The following COPS7B variants were observed in gnomAD, a reference collection of about 807,000 sequenced individuals.
COPS7B encodes COP9 signalosome subunit 7B.
In COPS7B, 9 loss-of-function variants were observed where a neutral mutation model predicts 33.4. The ratio of observed to expected loss-of-function variants is 0.27; its 90% CI spans 0.16 to 0.47. The LOEUF (loss-of-function observed/expected upper bound fraction) is 0.47. COPS7B is among the 20% of genes least tolerant of loss of function. COPS7B has a pLI of 0.99. For missense variants in COPS7B, 242 were observed against 318.2 expected (o/e 0.76, Z 1.82); for synonymous variants, 119 against 126.3 (o/e 0.94, Z 0.39).
upstream of COPS7B, chr2:231,781,817 A>G (rs894871286): frequency 5.2e-6 from 8 of 1,550,572 alleles, no homozygotes; most frequent in African/African-American, 6.8e-5. Flanking sequence ...CTCACCCTCA[A>G]AAGAAGATGA....
chr2:231,794,734 C>G (rs988143109), intron 4 of COPS7B, among the ~76,000 whole-genome samples: 13 of 152,146 alleles, frequency 8.5e-5, no homozygotes, highest in African/African-American at 3.1e-4. Context: ...GAAAAACTTG[C>G]TATGTCGGAC....
chr2:231,786,579 TC>T, intron 1 of COPS7B, 41 bp downstream of exon 1: 1 of 932,766 alleles, frequency 1.1e-6, no homozygotes, highest in Non-Finnish European at 1.3e-6. Context: ...GGGCCGGCGC[TC>T]CAGGCTCGGC....
intron 3 of COPS7B, 188 bp from the exon 4 acceptor site, chr2:231,794,075 G>C: frequency 1.9e-6 from 1 of 519,060 alleles, no homozygotes; most frequent in Non-Finnish European, 3.4e-6. Context: ...TGTAGAAACT[G>C]AGTCTTTTCT....
rs1031818439 is a variant in COPS7B at position 231,808,908 on chromosome 2, G to A, written c.*1263G>A. ...CACATTTTACAACAAAAAAATAAAA[G>A]TGTAGATTTAATGTATGTGACTGGG... is the stretch of plus-strand genomic sequence containing the variant. On this transcript the variant is annotated 3_prime_UTR_variant, in exon 7 of 7. Transcript: ENST00000350033. 1 of 155,402 alleles carries A rather than the reference G, an allele frequency of 6.4e-6. No homozygotes were observed. Among genetic ancestry groups the A allele is most frequent in the African/African-American group, 2.4e-5 (1 of 40,998 alleles). The allele number at this position is 155,402 out of a possible 1,614,324, so 9.6% of individuals were successfully genotyped here. A position where few individuals can be genotyped will look rare whatever the true frequency, so the allele number is the denominator to read the frequency against.
At chr2:231,781,990 A>G, upstream of COPS7B, 1 of 1,068,962 alleles carries the variant, frequency 9.4e-7, no homozygotes, top group East Asian at 2.6e-5. Flanking sequence ...TTTTACATGT[A>G]TTTCAGGGTT....
In COPS7B at chr2:231,791,727, C is replaced by A. The variant is rs369348725; in HGVS notation, c.163-6C>A. 4.3e-6 allele frequency: 7 copies of A among 1,612,808 alleles called. No homozygotes were observed. Among genetic ancestry groups the A allele is most frequent in the Non-Finnish European group, 5.1e-6 (6 of 1,179,462 alleles). On this transcript the variant is annotated splice_region_variant and splice_polypyrimidine_tract_variant and intron_variant, in intron 2 of 6. Transcript: ENST00000350033. Reference sequence around the variant, plus strand: ...GTCTGTGGTGAACTTTTTTTTTCCTCTTCAGCTTGCGGAAGGAGCTAATGC... The same window carrying A: ...GTCTGTGGTGAACTTTTTTTTTCCTATTCAGCTTGCGGAAGGAGCTAATGC...
chr2:231,786,612 C>A, intron 1 of COPS7B, 74 bp downstream of exon 1: 2 of 768,490 alleles, frequency 2.6e-6, no homozygotes, highest in Non-Finnish European at 1.6e-6. Flanking sequence ...GCTTAGAGCC[C>A]GCCGCCAAGG....
intron 4 of COPS7B, 46 bp downstream of exon 4, chr2:231,794,397 G>T (rs1251335298): frequency 6.7e-6 from 10 of 1,490,466 alleles, no homozygotes; most frequent in Non-Finnish European, 7.5e-6. Context: ...CCCCAAGTCA[G>T]CTGTCTCATT....
intron 2 of COPS7B, chr2:231,790,824 C>T (rs1419200346): frequency 1.3e-5 from 2 of 151,476 alleles, no homozygotes; most frequent in African/African-American, 2.4e-5. Flanking sequence ...CTGCAAGCTC[C>T]GCTTCCCGGG....
chr2:231,787,411 A>G (rs993382561), intron 1 of COPS7B, among the ~76,000 whole-genome samples: 1 of 152,156 alleles, frequency 6.6e-6, no homozygotes, highest in African/African-American at 2.4e-5. Context: ...ACGCTGCTCT[A>G]ATATGTATCA....
intron 6 of COPS7B, among the ~76,000 whole-genome samples, chr2:231,806,926 G>A (rs1454251511): frequency 1.3e-5 from 2 of 152,218 alleles, no homozygotes; most frequent in African/African-American, 2.4e-5. Flanking sequence ...CTGTTCTGAC[G>A]TGGTAAAATG....
intron 4 of COPS7B, among the ~76,000 whole-genome samples, chr2:231,795,479 G>C (rs1379288260): frequency 6.6e-6 from 1 of 152,134 alleles, no homozygotes; most frequent in African/African-American, 2.4e-5. Context: ...GTGAAATGAG[G>C]ACCTGACCTT....
chr2:231,797,545 GT>G (rs779809700), intron 5 of COPS7B, among the ~76,000 whole-genome samples: 3 of 152,158 alleles, frequency 2.0e-5, no homozygotes. Context: ...CCATAGTCTG[GT>G]TTCCTGTTTT....
intron 6 of COPS7B, chr2:231,801,313 A>T: frequency 6.6e-7 from 1 of 1,510,326 alleles, no homozygotes; most frequent in Non-Finnish European, 8.9e-7. Context: ...AACCCATATT[A>T]GTTCCTAGTT....
At chr2:231,800,076 C>T (rs986506794) in intron 6 of COPS7B, among the ~76,000 whole-genome samples, 1 of 152,086 alleles carries the variant, frequency 6.6e-6, no homozygotes, top group African/African-American at 2.4e-5. Flanking sequence ...ACACACACCA[C>T]CCTATATACA....
upstream of COPS7B, among the ~76,000 whole-genome samples, chr2:231,785,329 T>TC (rs569480943): frequency 6.3e-3 from 967 of 152,336 alleles, 6 homozygotes; most frequent in African/African-American, 0.022. Context: ...TCTGTACCCC[T>TC]CATTTCTCAC....
intron 5 of COPS7B, among the ~76,000 whole-genome samples, chr2:231,796,766 G>A (rs921578826): frequency 1.3e-5 from 2 of 152,156 alleles, no homozygotes; most frequent in Admixed American, 6.5e-5. Context: ...AAGAACTTAC[G>A]TTCAAAATCA....
At chr2:231,789,330 A>G (rs930071618) in intron 2 of COPS7B, among the ~76,000 whole-genome samples, 2 of 152,232 alleles carry the variant, frequency 1.3e-5, no homozygotes, top group African/African-American at 4.8e-5. Flanking sequence ...GAACAGAAGG[A>G]ACAAAGAGAT....
Position 231,807,579 on chromosome 2 carries a change from C to G in COPS7B, c.729C>G (p.His243Gln), listed in dbSNP as rs769269789. The G allele has an allele frequency of 6.2e-7, 1 of 1,606,012 alleles. No individual in the cohort carries two copies. Among genetic ancestry groups the G allele is most frequent in the South Asian group, 1.1e-5 (1 of 89,156 alleles). Residue 243 changes from histidine (H) to glutamine (Q), a missense_variant, in exon 7 of 7, where the codon CAC (histidine) becomes CAG (glutamine). Physicochemically the swap from His to Gln is conservative, Grantham distance 24. Transcript: ENST00000350033. ...TGGCTGAACGGGAGTGTCCCCCTCA[C>G]GCTGAGCAGAGGCAGCCCACCAAGA... ...QQLAERECPP[H>Q]AEQRQPTKKM... is the part of the protein sequence containing the mutation.
Sources: allele counts gnomAD v4.1 joint callset (sites outside exome capture counted in the v4.1 genomes callset), GRCh38; gene constraint gnomAD v4.1.1; transcripts MANE v1.5; gene names NCBI Gene and HGNC (gene_info 2026-07-23, HGNC 2026-07-21).